FAM107B: variants seen among roughly 807,000 people sequenced by gnomAD.
FAM107B encodes family with sequence similarity 107 member B, also known as protein FAM107B.
Under a neutral mutation model 31.5 loss-of-function variants are expected in FAM107B, and 21 were observed. That is an observed-to-expected ratio of 0.67 (90% CI 0.47 to 0.96). FAM107B has a LOEUF of 0.96. Among genes scored for constraint, FAM107B ranks in the 40% least tolerant of loss-of-function variants. The probability of loss-of-function intolerance (pLI) is 0.00; values close to 1 mark genes in which losing one functional copy is unlikely to be tolerated. For missense variants in FAM107B, 452 were observed against 377.1 expected, an observed-to-expected ratio of 1.20 and a Z score of -1.64; for synonymous variants, 157 against 141.5, an observed-to-expected ratio of 1.11 and a Z score of -0.78.
chr10:14,768,033 C>G (rs763588560), intron 1 of FAM107B, among the ~76,000 whole-genome samples: 9 of 152,002 alleles, frequency 5.9e-5, no homozygotes, highest in African/African-American at 9.7e-5. Context: ...AGGAAATTAA[C>G]AAACAATTTT....
At chr10:14,707,693 C>A (rs1402157516) in intron 1 of FAM107B, among the ~76,000 whole-genome samples, 1 of 152,202 alleles carries the variant, frequency 6.6e-6, no homozygotes, top group African/African-American at 2.4e-5. Flanking sequence ...TGGGAGGGCC[C>A]AAGTATGTAT....
chr10:14,693,142 C>T (rs1235944529), intron 1 of FAM107B, among the ~76,000 whole-genome samples: 1 of 152,142 alleles, frequency 6.6e-6, no homozygotes, highest in Non-Finnish European at 1.5e-5. Flanking sequence ...ATTAGTCTAC[C>T]TCTGTGTGTG....
intron 1 of FAM107B, among the ~76,000 whole-genome samples, chr10:14,716,747 A>T (rs570634558): frequency 6.6e-6 from 1 of 152,160 alleles, no homozygotes; most frequent in African/African-American, 2.4e-5. Context: ...CATCTGTAAA[A>T]TGTGGATGAT....
chr10:14,539,965 C>CA (rs1182890127), intron 2 of FAM107B, among the ~76,000 whole-genome samples: 1 of 152,180 alleles, frequency 6.6e-6, no homozygotes, highest in Non-Finnish European at 1.5e-5. Flanking sequence ...CAGCCAACAG[C>CA]AGCACATCTA....
At chr10:14,632,189 T>C (rs897765718) in intron 2 of FAM107B, among the ~76,000 whole-genome samples, 8 of 150,870 alleles carry the variant, frequency 5.3e-5, no homozygotes, top group East Asian at 3.9e-4. Flanking sequence ...TCCCAGCTAG[T>C]TGGGAGGCTG....
chr10:14,554,066 T>C (rs1164885851), intron 2 of FAM107B: 9 of 976,432 alleles, frequency 9.2e-6, no homozygotes, highest in Admixed American at 6.2e-5. Context: ...GCCACACATA[T>C]GTCATATATA....
intron 1 of FAM107B, among the ~76,000 whole-genome samples, chr10:14,737,766 TTCTCTCTCTCTC>T (rs11276189): frequency 5.0e-4 from 64 of 127,114 alleles, no homozygotes; most frequent in South Asian, 3.8e-3. Context: ...CGTGCACGCT[TTCTCTCTCTCTC>T]TCTCTCTCTC....
At chr10:14,582,515 TA>T (rs1299082517) in intron 2 of FAM107B, among the ~76,000 whole-genome samples, 2 of 151,462 alleles carry the variant, frequency 1.3e-5, no homozygotes, top group Non-Finnish European at 2.9e-5. Flanking sequence ...TAGCTGGGAC[TA>T]ACAGGCGCCT....
At chr10:14,541,676 T>C (rs1354066764) in intron 2 of FAM107B, among the ~76,000 whole-genome samples, 1 of 152,208 alleles carries the variant, frequency 6.6e-6, no homozygotes, top group Non-Finnish European at 1.5e-5. Context: ...GTTTCCACAC[T>C]GTCTCCCCTT....
chr10:14,618,062 T>C (rs186180035), intron 2 of FAM107B, among the ~76,000 whole-genome samples: 75 of 152,314 alleles, frequency 4.9e-4, no homozygotes, highest in African/African-American at 1.7e-3. Context: ...AGTTGACTCA[T>C]GTCCCCTTGT....
At chr10:14,587,397 G>A (rs543680941) in intron 2 of FAM107B, among the ~76,000 whole-genome samples, 4 of 152,148 alleles carry the variant, frequency 2.6e-5, no homozygotes, top group East Asian at 1.9e-4. Context: ...ATCCAATCGC[G>A]GGAAGTTGCT....
chr10:14,581,020 C>G (rs891566938), intron 2 of FAM107B, among the ~76,000 whole-genome samples: 46 of 152,324 alleles, frequency 3.0e-4, no homozygotes, highest in African/African-American at 1.1e-3. Flanking sequence ...AGAACTAAAG[C>G]AAGTCTCTGC....
intron 1 of FAM107B, among the ~76,000 whole-genome samples, chr10:14,688,774 G>T (rs914487433): frequency 6.6e-6 from 1 of 151,980 alleles, no homozygotes; most frequent in African/African-American, 2.4e-5. Flanking sequence ...CACCCTCTCC[G>T]CCCACACCTT....
chr10:14,525,890 A>C (rs1176093785), intron 3 of FAM107B, among the ~76,000 whole-genome samples: 2 of 152,222 alleles, frequency 1.3e-5, no homozygotes, highest in East Asian at 1.9e-4. Context: ...TCCCACCCCC[A>C]GAGTATGAAA....
chr10:14,574,195 G>A (rs1321932692), intron 2 of FAM107B, among the ~76,000 whole-genome samples: 1 of 152,214 alleles, frequency 6.6e-6, no homozygotes, highest in African/African-American at 2.4e-5. Context: ...ATAACAAGGT[G>A]ATATTCCTCA....
At chr10:14,668,619 T>A (rs1854466471) in intron 1 of FAM107B, among the ~76,000 whole-genome samples, 1 of 152,192 alleles carries the variant, frequency 6.6e-6, no homozygotes, top group Admixed American at 6.5e-5. Flanking sequence ...TAAATGATCC[T>A]TTTCTAATTT....
chr10:14,593,963 T>A (rs189883426), intron 2 of FAM107B, among the ~76,000 whole-genome samples: 1 of 152,344 alleles, frequency 6.6e-6, no homozygotes, highest in Non-Finnish European at 1.5e-5. Context: ...GAAAAATGCA[T>A]GATGCCTAAT....
chr10:14,549,624 C>T (rs116909711), intron 2 of FAM107B, among the ~76,000 whole-genome samples: 65 of 152,280 alleles, frequency 4.3e-4, no homozygotes, highest in East Asian at 1.5e-3. Flanking sequence ...GGTTCCAGGA[C>T]GCCAAGCCTT....
chr10:14,728,860 G>T (rs899822107), intron 1 of FAM107B, among the ~76,000 whole-genome samples: 2 of 152,178 alleles, frequency 1.3e-5, no homozygotes, highest in African/African-American at 4.8e-5. Flanking sequence ...GTAGGCTTTA[G>T]ATTCAGGCCT....
Sources: gnomAD v4.1 joint callset for allele counts (sites outside exome capture counted in the v4.1 genomes callset) on GRCh38, gnomAD v4.1.1 for gene constraint, MANE v1.5 for transcripts, NCBI Gene and HGNC (gene_info 2026-07-23, HGNC 2026-07-21) for gene names.